The following FAM13A variants were observed in gnomAD, a reference collection of about 807,000 sequenced individuals.
FAM13A encodes protein FAM13A.
Under a neutral mutation model 129.6 loss-of-function variants are expected in FAM13A, and 76 were observed. That is an observed-to-expected ratio of 0.59 (90% confidence interval 0.49 to 0.71). The LOEUF (loss-of-function observed/expected upper bound fraction) is 0.71, where lower values mean the gene tolerates loss of function less well. Ranked by LOEUF, FAM13A falls within the 30% of genes least tolerant of loss-of-function variation. The pLI is 0.00. For missense variants in FAM13A, 1,108 were observed against 1,249.3 expected (o/e 0.89, Z 1.70); for synonymous variants, 443 against 449.9 (o/e 0.98, Z 0.20).
intron 6 of FAM13A, among the ~76,000 whole-genome samples, chr4:88,867,398 T>TA (rs1315790493): frequency 9.2e-5 from 14 of 152,262 alleles, no homozygotes; most frequent in South Asian, 4.1e-4. Flanking sequence ...GCACAACATG[T>TA]AAAAAAACAT....
chr4:88,832,927 CATGT>C (rs1210316246), intron 7 of FAM13A, among the ~76,000 whole-genome samples: 1 of 152,080 alleles, frequency 6.6e-6, no homozygotes, highest in Non-Finnish European at 1.5e-5. Context: ...GATACATGCA[CATGT>C]ATGTTCACCA....
intron 4 of FAM13A, among the ~76,000 whole-genome samples, chr4:88,940,626 T>C (rs1754593271): frequency 6.6e-6 from 1 of 152,134 alleles, no homozygotes; most frequent in Admixed American, 6.5e-5. Flanking sequence ...ATAGAAAAAG[T>C]TGAGGGTGTG....
At chr4:89,046,024 C>CAA (rs34619235) in intron 1 of FAM13A, among the ~76,000 whole-genome samples, 1,746 of 103,334 alleles carry the variant, frequency 0.017, 39 homozygotes, top group African/African-American at 0.061. Flanking sequence ...AACTCCATCT[C>CAA]AAAAAAAAAA....
At chr4:88,903,188 T>G (rs1475580943) in intron 6 of FAM13A, among the ~76,000 whole-genome samples, 4 of 152,194 alleles carry the variant, frequency 2.6e-5, no homozygotes, top group African/African-American at 4.8e-5. Context: ...TCAAAGTAGT[T>G]TATAGATTCA....
At chr4:88,871,084 G>A (rs1741307826) in intron 6 of FAM13A, among the ~76,000 whole-genome samples, 1 of 152,180 alleles carries the variant, frequency 6.6e-6, no homozygotes, top group South Asian at 2.1e-4. Flanking sequence ...CTAACAAACA[G>A]AAAGGAATAG....
intron 10 of FAM13A, among the ~76,000 whole-genome samples, chr4:88,781,859 A>C (rs963301787): frequency 1.3e-5 from 2 of 149,568 alleles, no homozygotes; most frequent in Non-Finnish European, 1.5e-5. Flanking sequence ...GGGAGCGGGG[A>C]GGGATAGCAT....
intron 6 of FAM13A, among the ~76,000 whole-genome samples, chr4:88,883,043 T>C (rs1258561612): frequency 6.6e-6 from 1 of 152,082 alleles, no homozygotes; most frequent in Non-Finnish European, 1.5e-5. Context: ...AGAAATAAGA[T>C]AGACAGCAAT....
chr4:88,813,382 C>T (rs546065340), intron 7 of FAM13A, among the ~76,000 whole-genome samples: 7 of 151,906 alleles, frequency 4.6e-5, no homozygotes, highest in African/African-American at 9.7e-5. Context: ...TAATTTAGAA[C>T]GTAAAATACA....
chr4:89,028,999 A>G (rs900035966), intron 2 of FAM13A, among the ~76,000 whole-genome samples: 4 of 152,172 alleles, frequency 2.6e-5, no homozygotes, highest in African/African-American at 9.7e-5. Context: ...CACTCCGCAT[A>G]GTAAGCTTTA....
At chr4:88,869,160 T>C (rs1384027251) in intron 6 of FAM13A, among the ~76,000 whole-genome samples, 1 of 152,216 alleles carries the variant, frequency 6.6e-6, no homozygotes, top group Non-Finnish European at 1.5e-5. Flanking sequence ...CAGCCTTTCA[T>C]ATATCATTGC....
At chr4:89,048,931 A>G (rs1771206637) in intron 1 of FAM13A, among the ~76,000 whole-genome samples, 1 of 152,214 alleles carries the variant, frequency 6.6e-6, no homozygotes, top group African/African-American at 2.4e-5. Context: ...CATTTTTGGC[A>G]GTTTTAACAA....
intron 4 of FAM13A, among the ~76,000 whole-genome samples, chr4:88,962,234 T>C (rs1758721724): frequency 1.3e-5 from 2 of 152,054 alleles, no homozygotes; most frequent in East Asian, 1.9e-4. Flanking sequence ...TCAAACACAA[T>C]GTTATCACAT....
intron 4 of FAM13A, among the ~76,000 whole-genome samples, chr4:88,970,429 G>A (rs1157521416): frequency 3.3e-5 from 5 of 151,118 alleles, no homozygotes; most frequent in Admixed American, 6.6e-5. Flanking sequence ...AGAGAGAGAT[G>A]ATCTGAGAGA....
intron 10 of FAM13A, among the ~76,000 whole-genome samples, chr4:88,786,280 CCAAA>C (rs1309476614): frequency 1.3e-5 from 2 of 152,116 alleles, no homozygotes; most frequent in African/African-American, 4.8e-5. Flanking sequence ...AGCCCTCTGT[CCAAA>C]CAAAGAGGGT....
chr4:88,986,206 T>C (rs1189463021), intron 4 of FAM13A, among the ~76,000 whole-genome samples: 2 of 152,026 alleles, frequency 1.3e-5, no homozygotes, highest in East Asian at 1.9e-4. Context: ...CAATATCAGC[T>C]TACTGCAACC....
chr4:88,963,253 T>C (rs956781882), intron 4 of FAM13A, among the ~76,000 whole-genome samples: 1 of 152,066 alleles, frequency 6.6e-6, no homozygotes, highest in Admixed American at 6.5e-5. Context: ...TTTACAACAA[T>C]GGGTTGGCCA....
At chr4:88,866,647 C>A (rs890135697) in intron 6 of FAM13A, among the ~76,000 whole-genome samples, 1 of 152,120 alleles carries the variant, frequency 6.6e-6, no homozygotes, top group African/African-American at 2.4e-5. Context: ...AAATCAGGAA[C>A]ATTTTATATT....
chr4:88,866,490 T>C (rs980763578), intron 6 of FAM13A, among the ~76,000 whole-genome samples: 9 of 152,220 alleles, frequency 5.9e-5, no homozygotes, highest in Non-Finnish European at 8.8e-5. Flanking sequence ...CTTTTGCTTC[T>C]ATTTTTGCAA....
chr4:88,746,303 A>G (rs1398675506), intron 19 of FAM13A, among the ~76,000 whole-genome samples: 1 of 152,228 alleles, frequency 6.6e-6, no homozygotes, highest in Non-Finnish European at 1.5e-5. Flanking sequence ...GCAGAAGCCT[A>G]TCATGCTACC....
Sources: allele counts gnomAD v4.1 joint callset (sites outside exome capture counted in the v4.1 genomes callset), GRCh38; gene constraint gnomAD v4.1.1; transcripts MANE v1.5; gene names NCBI Gene and HGNC (gene_info 2026-07-23, HGNC 2026-07-21).